LCMT1: variants seen among roughly 807,000 people sequenced by gnomAD.
LCMT1 encodes [Phosphatase 2A protein]-leucine-carboxy methyltransferase 1.
A neutral mutation model predicts 47.7 loss-of-function variants in LCMT1; 32 were observed. That is an observed-to-expected ratio of 0.67 (90% CI 0.51 to 0.90). The LOEUF is 0.90. LCMT1 is among the 40% of genes least tolerant of loss of function. The probability of loss-of-function intolerance (pLI) is 0.00; values close to 1 mark genes in which losing one functional copy is unlikely to be tolerated. For missense variants in LCMT1, 375 were observed against 415.2 expected (o/e 0.90, Z 0.84); for synonymous variants, 152 against 149.7 (o/e 1.02, Z -0.11).
chr16:25,128,229 T>C (rs1429582267), intron 1 of LCMT1, among the ~76,000 whole-genome samples: 1 of 152,090 alleles, frequency 6.6e-6, no homozygotes, highest in Non-Finnish European at 1.5e-5. Context: ...GAATTAGCAA[T>C]ATGAGGGAAG....
chr16:25,157,774 C>A (rs1001747319), intron 5 of LCMT1, among the ~76,000 whole-genome samples: 8 of 152,186 alleles, frequency 5.3e-5, no homozygotes, highest in Admixed American at 2.0e-4. Context: ...TGGATTTAAT[C>A]ACTTGTGGTC....
chr16:25,168,337 C>T (rs556630408), intron 7 of LCMT1, among the ~76,000 whole-genome samples: 157 of 152,328 alleles, frequency 1.0e-3, no homozygotes, highest in African/African-American at 3.6e-3. Flanking sequence ...ACATGGCCAC[C>T]ATGCCTGGCC....
At chr16:25,139,167 C>T (rs1035463306) in intron 3 of LCMT1, among the ~76,000 whole-genome samples, 1 of 152,136 alleles carries the variant, frequency 6.6e-6, no homozygotes, top group Non-Finnish European at 1.5e-5. Context: ...GCCTCAGCCT[C>T]CCAAAGTGCT....
At chr16:25,137,879 A>G (rs751201534) in intron 3 of LCMT1, among the ~76,000 whole-genome samples, 1 of 152,098 alleles carries the variant, frequency 6.6e-6, no homozygotes, top group Admixed American at 6.6e-5. Context: ...CTACTAGGAT[A>G]TGGTTACTGG....
Position 25,136,463 on chromosome 16 carries a change from C to T in LCMT1, c.328-3708C>T, listed in dbSNP as rs74615401. Among the ~76,000 whole-genome samples the T allele has an allele frequency of 5.8e-4, 88 of 151,806 alleles. No individual in the cohort carries two copies. In the East Asian group the frequency reaches 0.016, roughly 27 times the overall value. ...GCCATTTTGCCCCTTTCTCAAGAAA[C>T]AGGATATCTTTTTTTTTTTTTTAAG... On this transcript the variant is annotated intron_variant, in intron 3 of 10. Coordinates refer to ENST00000399069, the MANE Select transcript of LCMT1 (RefSeq NM_016309.3).
chr16:25,161,337 A>T, intron 6 of LCMT1, 133 bp downstream of exon 6: 1 of 516,012 alleles, frequency 1.9e-6, no homozygotes. Context: ...TTTCATTGCT[A>T]CCTAGTTTTC....
At chr16:25,147,535 C>T (rs1459977550) in intron 4 of LCMT1, 1 of 152,166 alleles carries the variant, frequency 6.6e-6, no homozygotes, top group Non-Finnish European at 1.5e-5. Flanking sequence ...AGCTAGGTAT[C>T]TCTCCCCATT....
Position 25,174,961 on chromosome 16 carries a change from T to C in LCMT1, c.909T>C (p.Asp303=). Residue 303 remains aspartate (D), a synonymous_variant, in exon 10 of 11, where the codon GAT becomes GAC. Transcript: ENST00000399069. ...VSRIESLEFL[D]EMELLEQLMR... The stretch of plus-strand genomic sequence containing the variant: ...GGATAGAATCACTTGAATTCCTGGA[T>C]GAAATGGAGCTGCTGGAGCAGCTCA... 1 of 1,605,190 alleles carries C rather than the reference T, an allele frequency of 6.2e-7. No individual in the cohort carries two copies. Among genetic ancestry groups the C allele is most frequent in the Non-Finnish European group, 8.5e-7 (1 of 1,173,636 alleles).
intron 5 of LCMT1, among the ~76,000 whole-genome samples, chr16:25,159,546 G>A (rs1485901030): frequency 6.6e-6 from 1 of 152,150 alleles, no homozygotes; most frequent in Non-Finnish European, 1.5e-5. Context: ...GATTATAGGC[G>A]TGAGCCACCG....
chr16:25,136,258 C>G (rs1960501566), intron 3 of LCMT1, among the ~76,000 whole-genome samples: 1 of 151,866 alleles, frequency 6.6e-6, no homozygotes, highest in Non-Finnish European at 1.5e-5. Flanking sequence ...TTTTGGCAGT[C>G]TGTGAGGTGG....
chr16:25,140,764 A>C (rs1368458302), intron 4 of LCMT1: 1 of 155,164 alleles, frequency 6.4e-6, no homozygotes, highest in African/African-American at 2.4e-5. Context: ...TGGCGGCAAG[A>C]AGACTGTCAA....
intron 3 of LCMT1, among the ~76,000 whole-genome samples, chr16:25,137,337 C>T (rs758788871): frequency 6.6e-6 from 1 of 151,244 alleles, no homozygotes; most frequent in Non-Finnish European, 1.5e-5. Flanking sequence ...CCTGGCCCCC[C>T]TCAAGTATCT....
intron 1 of LCMT1, among the ~76,000 whole-genome samples, chr16:25,127,676 A>G (rs1387170609): frequency 6.6e-6 from 1 of 152,250 alleles, no homozygotes; most frequent in Non-Finnish European, 1.5e-5. Context: ...TGCAAGTAAC[A>G]GAAGCCTGAC....
chr16:25,137,885 A>G (rs9930827), intron 3 of LCMT1, among the ~76,000 whole-genome samples: 46,864 of 151,918 alleles, frequency 0.31, 7,454 homozygotes, highest in East Asian at 0.47. Context: ...GGATATGGTT[A>G]CTGGTGATTT....
At chr16:25,157,937 T>C (rs1376751825) in intron 5 of LCMT1, among the ~76,000 whole-genome samples, 1 of 152,244 alleles carries the variant, frequency 6.6e-6, no homozygotes, top group Non-Finnish European at 1.5e-5. Flanking sequence ...TTAGTTGGGT[T>C]TAAACAGCTG....
intron 4 of LCMT1, among the ~76,000 whole-genome samples, chr16:25,150,209 G>C (rs1961030126): frequency 8.2e-6 from 1 of 122,646 alleles, no homozygotes; most frequent in African/African-American, 2.9e-5. Flanking sequence ...TCCCCTTTTT[G>C]CAGATAAGGA....
intron 9 of LCMT1, among the ~76,000 whole-genome samples, chr16:25,171,106 C>T (rs991106284): frequency 2.6e-5 from 4 of 151,786 alleles, no homozygotes; most frequent in African/African-American, 9.7e-5. Context: ...TAGGGTGGTG[C>T]ACATTTATAA....
At chr16:25,126,254 C>G (rs1960182253) in intron 1 of LCMT1, 8 of 1,066,842 alleles carry the variant, frequency 7.5e-6, no homozygotes, top group Non-Finnish European at 9.8e-6. Context: ...ACAGGGTGCT[C>G]CTGAGGTCAG....
chr16:25,113,013 C>T (rs1455537452), intron 1 of LCMT1, among the ~76,000 whole-genome samples: 6 of 151,934 alleles, frequency 3.9e-5, no homozygotes, highest in South Asian at 4.2e-4. Flanking sequence ...TGGTGGCGGG[C>T]GCCTGTAATC....
Sources: allele counts gnomAD v4.1 joint callset (sites outside exome capture counted in the v4.1 genomes callset), GRCh38; gene constraint gnomAD v4.1.1; transcripts MANE v1.5; gene names NCBI Gene and HGNC (gene_info 2026-07-23, HGNC 2026-07-21).